KLHL1: variants seen among roughly 807,000 people sequenced by gnomAD.
The protein encoded by KLHL1 is kelch like family member 1.
KLHL1 carries 47 observed loss-of-function variants against 77.7 expected under a neutral mutation model. The observed-to-expected ratio is 0.60, with a 90% CI of 0.48 to 0.77. The LOEUF is 0.77. Ranked by LOEUF, KLHL1 falls within the 30% of genes least tolerant of loss-of-function variation. The pLI is 0.00. For synonymous variants in KLHL1, 360 were observed against 325.2 expected, an observed-to-expected ratio of 1.11 and a Z score of -1.15; for missense variants, 925 against 910.8, an observed-to-expected ratio of 1.02 and a Z score of -0.20.
chr13:69,723,958 C>T (rs556537893), intron 8 of KLHL1, among the ~76,000 whole-genome samples: 2 of 152,008 alleles, frequency 1.3e-5, no homozygotes, highest in South Asian at 4.1e-4. Context: ...CTGCCTCAGC[C>T]TCCCAAGTAG....
intron 6 of KLHL1, among the ~76,000 whole-genome samples, chr13:69,815,687 A>T (rs1165303249): frequency 6.6e-6 from 1 of 152,140 alleles, no homozygotes; most frequent in African/African-American, 2.4e-5. Flanking sequence ...ACAAACATGC[A>T]CATGTACCCG....
intron 7 of KLHL1, among the ~76,000 whole-genome samples, chr13:69,773,661 A>T (rs1875686352): frequency 6.6e-6 from 1 of 151,890 alleles, no homozygotes; most frequent in Non-Finnish European, 1.5e-5. Context: ...AGGTCTTTCG[A>T]GTATGGAGCA....
chr13:69,933,176 C>T (rs1466302554), intron 4 of KLHL1, among the ~76,000 whole-genome samples: 2 of 151,890 alleles, frequency 1.3e-5, no homozygotes, highest in Non-Finnish European at 2.9e-5. Context: ...TAATTTTCAA[C>T]TCATCAATTA....
chr13:69,752,711 G>A (rs776508796), intron 7 of KLHL1, among the ~76,000 whole-genome samples: 59 of 152,134 alleles, frequency 3.9e-4, no homozygotes, highest in Non-Finnish European at 6.6e-4. Flanking sequence ...GGGTTTAAAG[G>A]TTGGGTAGAA....
At chr13:69,785,404 T>C (rs902764012) in intron 7 of KLHL1, among the ~76,000 whole-genome samples, 4 of 152,126 alleles carry the variant, frequency 2.6e-5, no homozygotes, top group African/African-American at 9.7e-5. Flanking sequence ...CCTCAATGAC[T>C]ACTGGGTACA....
intron 1 of KLHL1, among the ~76,000 whole-genome samples, chr13:70,082,670 T>C (rs1887425863): frequency 1.3e-5 from 2 of 152,196 alleles, no homozygotes; most frequent in South Asian, 2.1e-4. Flanking sequence ...CTGGGCATAT[T>C]ACGTGATGCT....
rs754740851 is a variant in KLHL1 at position 70,107,241 on chromosome 13, G to T, written c.459C>A (p.Asp153Glu). The change falls in exon 1 of 11, where the codon GAC becomes GAA. Residue 153 changes from aspartate (D) to glutamate (E), a missense_variant. Transcript: ENST00000377844. ...CTTCACCTGTTGCCTGGCTAGAGTT[G>T]TCTGGCTCCACTTTGAGCTCTTGCA... ...LVLQELKVEP[D>E]NSSQATGEGC... 4.3e-6 allele frequency: 7 copies of T among 1,613,812 alleles called. No individual in the cohort carries two copies. The Admixed American group carries it at 5.0e-5, about 12-fold the overall frequency.
chr13:69,895,167 T>C (rs972195995), intron 4 of KLHL1: 3 of 475,410 alleles, frequency 6.3e-6, no homozygotes, highest in Non-Finnish European at 1.2e-5. Flanking sequence ...AGGTAGTCTT[T>C]AATTCTAACT....
chr13:70,070,533 A>G (rs1033015176), intron 1 of KLHL1, among the ~76,000 whole-genome samples: 6 of 148,154 alleles, frequency 4.0e-5, no homozygotes, highest in African/African-American at 1.5e-4. Context: ...TTCAAACATT[A>G]AGGAAAAATA....
intron 1 of KLHL1, among the ~76,000 whole-genome samples, chr13:70,008,998 A>G (rs1218839658): frequency 1.3e-5 from 2 of 152,150 alleles, no homozygotes. Context: ...TGCTTATATG[A>G]TGCTTCAATA....
chr13:69,901,110 T>C (rs560616917), intron 4 of KLHL1, among the ~76,000 whole-genome samples: 36 of 152,320 alleles, frequency 2.4e-4, no homozygotes, highest in Non-Finnish European at 4.7e-4. Context: ...ACACTGTACA[T>C]GCAAATAGAT....
At chr13:69,840,698 ATATGTATGTATGTATGTATG>A (rs200339697) in intron 5 of KLHL1, among the ~76,000 whole-genome samples, 1 of 146,276 alleles carries the variant, frequency 6.8e-6, no homozygotes, top group South Asian at 2.1e-4. Context: ...ATATATATAT[ATATGTATGTATGTATGTATG>A]TATGTATGTA....
intron 5 of KLHL1, among the ~76,000 whole-genome samples, chr13:69,865,250 T>C (rs1880326850): frequency 6.6e-6 from 1 of 152,130 alleles, no homozygotes; most frequent in Admixed American, 6.6e-5. Context: ...AGTTGAGCTT[T>C]TAATGGTAAA....
chr13:69,961,545 A>T, intron 2 of KLHL1, 101 bp from the exon 3 acceptor site: 1 of 1,223,272 alleles, frequency 8.2e-7, no homozygotes. Context: ...TCTATTGATC[A>T]ATCAATTAAT....
At chr13:69,924,369 T>G (rs1380194037) in intron 4 of KLHL1, among the ~76,000 whole-genome samples, 1 of 152,108 alleles carries the variant, frequency 6.6e-6, no homozygotes, top group Non-Finnish European at 1.5e-5. Flanking sequence ...CAGCATTCAC[T>G]TCTTCCCCTC....
intron 7 of KLHL1, among the ~76,000 whole-genome samples, chr13:69,757,761 G>C (rs1874819453): frequency 6.6e-6 from 1 of 151,568 alleles, no homozygotes. Flanking sequence ...AGACCAGCCT[G>C]GCCAAACCCC....
intron 1 of KLHL1, among the ~76,000 whole-genome samples, chr13:70,069,969 T>C (rs1312062365): frequency 6.6e-6 from 1 of 151,702 alleles, no homozygotes; most frequent in Non-Finnish European, 1.5e-5. Flanking sequence ...TAGATCAACA[T>C]CATCCTGGCT....
chr13:69,743,028 A>C (rs902793804), intron 7 of KLHL1, among the ~76,000 whole-genome samples: 1 of 152,196 alleles, frequency 6.6e-6, no homozygotes, highest in Non-Finnish European at 1.5e-5. Context: ...AGATCCTGAA[A>C]TCAACTTTTT....
chr13:70,040,823 T>C (rs148020118), intron 1 of KLHL1, among the ~76,000 whole-genome samples: 1 of 152,270 alleles, frequency 6.6e-6, no homozygotes, highest in African/African-American at 2.4e-5. Context: ...ACTTTTTAAG[T>C]CTTACCCCCA....
Sources: gnomAD v4.1 joint callset for allele counts (sites outside exome capture counted in the v4.1 genomes callset) on GRCh38, gnomAD v4.1.1 for gene constraint, MANE v1.5 for transcripts, NCBI Gene and HGNC (gene_info 2026-07-23, HGNC 2026-07-21) for gene names.